Variants in DPYD observed in about 807,000 individuals in gnomAD.
The protein encoded by DPYD is dihydropyrimidine dehydrogenase [NADP(+)].
A neutral mutation model predicts 116.2 loss-of-function variants in DPYD; 109 were observed. The observed-to-expected ratio is 0.94, with a 90% CI of 0.80 to 1.10. The LOEUF (loss-of-function observed/expected upper bound fraction) is 1.10, where lower values mean the gene tolerates loss of function less well. Ranked by LOEUF, DPYD falls within the 50% of genes least tolerant of loss-of-function variation. The pLI is 0.00. For synonymous variants in DPYD, 440 were observed against 432.0 expected, an observed-to-expected ratio of 1.02 and a Z score of -0.23; for missense variants, 1,302 against 1,254.5, an observed-to-expected ratio of 1.04 and a Z score of -0.57.
intron 20 of DPYD, among the ~76,000 whole-genome samples, chr1:97,168,241 G>A (rs542178886): frequency 2.0e-5 from 3 of 152,252 alleles, no homozygotes; most frequent in African/African-American, 7.2e-5. Flanking sequence ...TGTGTAACAG[G>A]CTATCATACT....
At chr1:97,284,361 T>G (rs1465142597) in intron 18 of DPYD, among the ~76,000 whole-genome samples, 1 of 152,128 alleles carries the variant, frequency 6.6e-6, no homozygotes, top group Non-Finnish European at 1.5e-5. Flanking sequence ...TTCTAAGATT[T>G]TAAACAGAAA....
intron 20 of DPYD, among the ~76,000 whole-genome samples, chr1:97,128,776 T>C (rs1428797320): frequency 6.6e-6 from 1 of 152,166 alleles, no homozygotes; most frequent in African/African-American, 2.4e-5. Context: ...TTGATGCTAT[T>C]AGGGTATTTT....
intron 18 of DPYD, among the ~76,000 whole-genome samples, chr1:97,284,923 CTG>C (rs1665566359): frequency 6.6e-6 from 1 of 152,124 alleles, no homozygotes. Flanking sequence ...CCTATCCATT[CTG>C]TATCTTCTTG....
intron 8 of DPYD, among the ~76,000 whole-genome samples, chr1:97,627,044 G>A (rs564763061): frequency 6.6e-6 from 1 of 151,968 alleles, no homozygotes; most frequent in South Asian, 2.1e-4. Context: ...TCTGGTGCAG[G>A]GCCTCTTCAG....
intron 20 of DPYD, among the ~76,000 whole-genome samples, chr1:97,114,293 T>C (rs1248460716): frequency 6.6e-6 from 1 of 152,140 alleles, no homozygotes; most frequent in East Asian, 1.9e-4. Context: ...TGACTCCATT[T>C]TCCTATCCAT....
At chr1:97,642,888 AAAATTAAATT>A (rs536020709) in intron 8 of DPYD, among the ~76,000 whole-genome samples, 1,607 of 148,896 alleles carry the variant, frequency 0.011, 36 homozygotes, top group African/African-American at 0.04. Flanking sequence ...TAATAATAAT[AAAATTAAATT>A]AAATTAAATT....
chr1:97,458,294 G>T (rs1433377115), intron 13 of DPYD, among the ~76,000 whole-genome samples: 2 of 152,056 alleles, frequency 1.3e-5, no homozygotes, highest in Non-Finnish European at 2.9e-5. Flanking sequence ...ACTATTTAAA[G>T]GAGTATCTAA....
At chr1:97,830,052 T>C (rs758290854) in intron 2 of DPYD, among the ~76,000 whole-genome samples, 9 of 152,158 alleles carry the variant, frequency 5.9e-5, no homozygotes, top group Admixed American at 1.3e-4. Context: ...TCCAGCTTTA[T>C]CCATGTCCCT....
chr1:97,256,668 T>C (rs967900938), intron 18 of DPYD, among the ~76,000 whole-genome samples: 4 of 152,122 alleles, frequency 2.6e-5, no homozygotes, highest in Non-Finnish European at 5.9e-5. Context: ...CTCAGGTATA[T>C]CTTTATTAGC....
chr1:97,621,772 C>A (rs573863358), intron 8 of DPYD, among the ~76,000 whole-genome samples: 1 of 151,956 alleles, frequency 6.6e-6, no homozygotes, highest in South Asian at 2.1e-4. Context: ...CAAGATAAGC[C>A]TAGATCATCT....
intron 12 of DPYD, among the ~76,000 whole-genome samples, chr1:97,548,464 C>T (rs1048599748): frequency 3.3e-5 from 5 of 152,066 alleles, no homozygotes; most frequent in African/African-American, 9.7e-5. Context: ...AGGCTGGGCA[C>T]GGTGGCTTAT....
intron 8 of DPYD, among the ~76,000 whole-genome samples, chr1:97,637,663 A>C (rs1397786349): frequency 6.6e-6 from 1 of 152,154 alleles, no homozygotes; most frequent in Non-Finnish European, 1.5e-5. Flanking sequence ...AAGACAACAA[A>C]GGAAATAGGT....
intron 2 of DPYD, among the ~76,000 whole-genome samples, chr1:97,841,406 C>A (rs1278919107): frequency 6.6e-6 from 1 of 151,968 alleles, no homozygotes; most frequent in Non-Finnish European, 1.5e-5. Context: ...AAAAAATATA[C>A]TTATCAAAAT....
intron 20 of DPYD, among the ~76,000 whole-genome samples, chr1:97,111,528 G>A (rs1340646220): frequency 2.0e-5 from 3 of 151,536 alleles, no homozygotes; most frequent in African/African-American, 7.3e-5. Flanking sequence ...TGCATAGTTG[G>A]ATCCTTCACA....
chr1:97,203,673 C>A (rs1393573038), intron 19 of DPYD, among the ~76,000 whole-genome samples: 2 of 50,252 alleles, frequency 4.0e-5, no homozygotes, highest in African/African-American at 8.9e-5. Context: ...CCCCCCCCCC[C>A]CAAAAAAAAA....
At chr1:97,519,214 T>G (rs1648462802) in intron 12 of DPYD, among the ~76,000 whole-genome samples, 1 of 152,164 alleles carries the variant, frequency 6.6e-6, no homozygotes, top group Non-Finnish European at 1.5e-5. Flanking sequence ...GAGGTTTAAC[T>G]GGACTTACAG....
At chr1:97,660,885 AAATTT>A (rs1362411512) in intron 8 of DPYD, among the ~76,000 whole-genome samples, 12 of 152,140 alleles carry the variant, frequency 7.9e-5, no homozygotes, top group African/African-American at 2.9e-4. Context: ...CTCCCCGCTT[AAATTT>A]AATTATCATC....
chr1:97,231,724 TA>T (rs201369032), intron 19 of DPYD, among the ~76,000 whole-genome samples: 34 of 150,918 alleles, frequency 2.3e-4, no homozygotes, highest in African/African-American at 6.1e-4. Flanking sequence ...TTGATGTCAA[TA>T]AAAAAAAATA....
At chr1:97,638,744 G>C (rs958898922) in intron 8 of DPYD, among the ~76,000 whole-genome samples, 9 of 152,062 alleles carry the variant, frequency 5.9e-5, no homozygotes, top group African/African-American at 1.9e-4. Context: ...CGGTGAGAGA[G>C]AGAGCAAGAG....
Sources: allele counts gnomAD v4.1 joint callset (sites outside exome capture counted in the v4.1 genomes callset), GRCh38; gene constraint gnomAD v4.1.1; transcripts MANE v1.5; gene names NCBI Gene and HGNC (gene_info 2026-07-23, HGNC 2026-07-21).